The following HECW2 variants were observed in gnomAD, a reference collection of about 807,000 sequenced individuals.
HECW2 encodes the protein HECT, C2 and WW domain containing E3 ubiquitin protein ligase 2, also known as E3 ubiquitin-protein ligase HECW2.
HECW2 carries 61 observed loss-of-function variants against 175.2 expected under a neutral mutation model. The observed-to-expected ratio is 0.35, with a 90% CI of 0.28 to 0.43. The LOEUF is 0.43. Among genes scored for constraint, HECW2 ranks in the 20% least tolerant of loss-of-function variants. HECW2 has a pLI of 1.00. For synonymous variants in HECW2, 671 were observed against 731.0 expected, an observed-to-expected ratio of 0.92 and a Z score of 1.32; for missense variants, 1,524 against 2,000.5, an observed-to-expected ratio of 0.76 and a Z score of 4.54.
intron 1 of HECW2, among the ~76,000 whole-genome samples, chr2:196,493,852 A>G (rs781191208): frequency 6.6e-6 from 1 of 152,230 alleles, no homozygotes; most frequent in Non-Finnish European, 1.5e-5. Flanking sequence ...TCCCAATATA[A>G]GCATCTACTG....
At chr2:196,340,931 GA>G (rs71009098) in intron 3 of HECW2, among the ~76,000 whole-genome samples, 83,874 of 146,190 alleles carry the variant, frequency 0.57, 26,696 homozygotes, top group East Asian at 0.81. Flanking sequence ...ACGGAGAAAA[GA>G]AAAAAAAAAA....
intron 2 of HECW2, among the ~76,000 whole-genome samples, chr2:196,397,882 C>A (rs1694713475): frequency 6.6e-6 from 1 of 152,194 alleles, no homozygotes; most frequent in Admixed American, 6.5e-5. Flanking sequence ...TATACCCCAT[C>A]CTCCTCACCT....
intron 1 of HECW2, among the ~76,000 whole-genome samples, chr2:196,458,796 G>C (rs1383901628): frequency 6.6e-6 from 1 of 152,158 alleles, no homozygotes; most frequent in African/African-American, 2.4e-5. Context: ...AACCCAGGAG[G>C]AGGAGGTTGC....
chr2:196,544,779 A>G (rs1203960944), intron 1 of HECW2, among the ~76,000 whole-genome samples: 1 of 152,172 alleles, frequency 6.6e-6, no homozygotes, highest in Non-Finnish European at 1.5e-5. Flanking sequence ...GGCATACCAC[A>G]CACACAATGT....
At chr2:196,436,497 G>C (rs1695879842) in intron 1 of HECW2, among the ~76,000 whole-genome samples, 1 of 151,362 alleles carries the variant, frequency 6.6e-6, no homozygotes, top group East Asian at 1.9e-4. Context: ...TAAGTGAAAA[G>C]CATTAAGGAT....
chr2:196,373,165 T>C lies in HECW2; in HGVS notation c.293-29401A>G, dbSNP rs182339234. On this transcript the variant is annotated intron_variant, in intron 2 of 28. Transcript: ENST00000644978. ...CACTCTGACAAGTACACAAAATAGA[T>C]AAAGGATAGTCCACCAGGAAGGCAG... Among the ~76,000 whole-genome samples, 25 of 152,286 alleles carry C rather than the reference T, an allele frequency of 1.6e-4. No individual in the cohort carries two copies. The East Asian group carries it at 4.6e-3, about 28-fold the overall frequency.
At position 196,360,659 on chromosome 2, in the gene HECW2, C is replaced by A. The variant is rs187767101; in HGVS notation, c.293-16895G>T. On this transcript the variant is annotated intron_variant, in intron 2 of 28. Transcript: ENST00000644978. The stretch of plus-strand genomic sequence containing the variant: ...AACTCCTGTGACACAAGTTTACCTA[C>A]CTAACAAACCTGCATATGTACCCCT... Among the ~76,000 whole-genome samples the A allele has an allele frequency of 8.5e-5, 13 of 152,242 alleles. No individual in the cohort carries two copies. The East Asian group carries it at 1.3e-3, about 16-fold the overall frequency.
chr2:196,480,852 CTG>C (rs1686818928), intron 1 of HECW2, among the ~76,000 whole-genome samples: 1 of 152,214 alleles, frequency 6.6e-6, no homozygotes, highest in Non-Finnish European at 1.5e-5. Context: ...ATGTTTCCCT[CTG>C]TGCATAGCTC....
At position 196,549,188 on chromosome 2, in the gene HECW2, C is replaced by T. The variant is rs73053004; in HGVS notation, c.-36+44320G>A. Among the ~76,000 whole-genome samples the T allele has an allele frequency of 4.7e-3, 710 of 152,248 alleles. 8 individuals are homozygous for T. Among genetic ancestry groups the T allele is most frequent in the African/African-American group, 0.016 (680 of 41,536 alleles). On this transcript the variant is annotated intron_variant, in intron 1 of 28. Transcript: ENST00000644978. ...TGGAAAATGCTAAGACATCAATCTA[C>T]AGCATAACAAATAATTATAAAGGAA...
chr2:196,485,301 A>AT (rs1470243288), intron 1 of HECW2, among the ~76,000 whole-genome samples: 2 of 152,228 alleles, frequency 1.3e-5, no homozygotes, highest in African/African-American at 4.8e-5. Context: ...AAAAAGAAGA[A>AT]TATCAGGTCA....
chr2:196,574,762 C>T (rs955433101), intron 1 of HECW2, among the ~76,000 whole-genome samples: 1 of 152,078 alleles, frequency 6.6e-6, no homozygotes, highest in Non-Finnish European at 1.5e-5. Flanking sequence ...ACCACATTTC[C>T]TAATTTTAAA....
intron 3 of HECW2, among the ~76,000 whole-genome samples, chr2:196,340,255 T>G (rs1210339690): frequency 1.3e-5 from 2 of 152,092 alleles, no homozygotes; most frequent in African/African-American, 4.8e-5. Flanking sequence ...CAACCAACAT[T>G]CCATTGTGAG....
intron 1 of HECW2, among the ~76,000 whole-genome samples, chr2:196,551,165 G>A (rs2125483758): frequency 6.6e-6 from 1 of 152,216 alleles, no homozygotes; most frequent in African/African-American, 2.4e-5. Context: ...CAGATAAATA[G>A]CTCCATAGGC....
chr2:196,348,392 T>G (rs995350116), intron 2 of HECW2, among the ~76,000 whole-genome samples: 1 of 152,146 alleles, frequency 6.6e-6, no homozygotes, highest in Non-Finnish European at 1.5e-5. Flanking sequence ...CCTGTCATCC[T>G]AACACTTCAG....
At chr2:196,455,327 C>T (rs996174156) in intron 1 of HECW2, among the ~76,000 whole-genome samples, 32 of 152,154 alleles carry the variant, frequency 2.1e-4, no homozygotes, top group African/African-American at 5.8e-4. Context: ...CCACAATGCC[C>T]GGCCCCTTTT....
Position 196,322,472 on chromosome 2 carries a change from G to A in HECW2, c.884+6C>T. The A allele has an allele frequency of 2.5e-6, 4 of 1,612,612 alleles. No homozygotes were observed. Among genetic ancestry groups the A allele is most frequent in the South Asian group, 1.1e-5 (1 of 90,656 alleles). ...AACAAGATCCCCAAAGGTAAGGGCT[G>A]ATTACCCGATGGCTTGTCGCTCCAG... On this transcript the variant is annotated splice_donor_region_variant and intron_variant, in intron 7 of 28. Coordinates refer to ENST00000644978, the MANE Select transcript of HECW2 (RefSeq NM_001348768.2).
chr2:196,566,063 A>G (rs757365849), intron 1 of HECW2, among the ~76,000 whole-genome samples: 3 of 152,146 alleles, frequency 2.0e-5, no homozygotes, highest in Non-Finnish European at 4.4e-5. Context: ...CATCAAATCC[A>G]TATGCTAAGA....
At chr2:196,534,401 G>A (rs189319714) in intron 1 of HECW2, among the ~76,000 whole-genome samples, 42 of 152,218 alleles carry the variant, frequency 2.8e-4, no homozygotes, top group African/African-American at 9.2e-4. Flanking sequence ...TAGTAGCAAC[G>A]TACTCTGAGA....
chr2:196,560,404 C>T (rs1689957077), intron 1 of HECW2, among the ~76,000 whole-genome samples: 1 of 152,142 alleles, frequency 6.6e-6, no homozygotes, highest in Non-Finnish European at 1.5e-5. Context: ...CCTCGGGCCT[C>T]CCAAAGTGCT....
Sources: allele counts gnomAD v4.1 joint callset (sites outside exome capture counted in the v4.1 genomes callset), GRCh38; gene constraint gnomAD v4.1.1; transcripts MANE v1.5; gene names NCBI Gene and HGNC (gene_info 2026-07-23, HGNC 2026-07-21).